The following MAP4K3 variants were observed in gnomAD, a reference collection of about 807,000 sequenced individuals.
MAP4K3 encodes mitogen-activated protein kinase kinase kinase kinase 3.
In MAP4K3, 94 loss-of-function variants were observed where a neutral mutation model predicts 143.5. The ratio of observed to expected loss-of-function variants is 0.65; its 90% CI spans 0.55 to 0.78. The LOEUF is 0.78. MAP4K3 is among the 30% of genes least tolerant of loss of function. The pLI is 0.00. For missense variants in MAP4K3, 1,077 were observed against 1,068.1 expected, an observed-to-expected ratio of 1.01 and a Z score of -0.12; for synonymous variants, 416 against 347.2, an observed-to-expected ratio of 1.20 and a Z score of -2.20.
At chr2:39,279,689 T>C (rs1681429892) in intron 23 of MAP4K3, among the ~76,000 whole-genome samples, 1 of 152,056 alleles carries the variant, frequency 6.6e-6, no homozygotes, top group Non-Finnish European at 1.5e-5. Context: ...GTGGCTCCTG[T>C]CTGTAATCTC....
chr2:39,312,688 A>G lies in MAP4K3; in HGVS notation c.997+2622T>C, dbSNP rs114822116. ...GGCCCTTAGATCTGATAAGTAGGTT[A>G]AGAATGAGTCCATCCTAACTGTTCA... On this transcript the variant is annotated intron_variant, in intron 13 of 33. Transcript: ENST00000263881. Among the ~76,000 whole-genome samples the G allele has an allele frequency of 6.4e-3, 972 of 152,342 alleles. 12 individuals are homozygous for G. The highest frequency in any genetic ancestry group is 0.022 in the African/African-American group (924 of 41,566).
At chr2:39,291,692 C>T (rs1461005173) in intron 18 of MAP4K3, among the ~76,000 whole-genome samples, 1 of 151,894 alleles carries the variant, frequency 6.6e-6, no homozygotes, top group Non-Finnish European at 1.5e-5. Flanking sequence ...TCGAGCCCAG[C>T]CTGGACAACA....
intron 2 of MAP4K3, 128 bp downstream of exon 2, chr2:39,377,938 A>G: frequency 1.5e-6 from 1 of 653,812 alleles, no homozygotes; most frequent in Non-Finnish European, 2.7e-6. Flanking sequence ...GAAAGGGCAT[A>G]CAAGCAGCTC....
At chr2:39,288,344 T>A in intron 19 of MAP4K3, 64 bp from the exon 20 acceptor site, 1 of 1,411,478 alleles carries the variant, frequency 7.1e-7, no homozygotes, top group South Asian at 1.2e-5. Flanking sequence ...AAGTAAGTAC[T>A]ATTATACATT....
chr2:39,360,878 G>A (rs1242909905), intron 2 of MAP4K3, among the ~76,000 whole-genome samples: 2 of 152,034 alleles, frequency 1.3e-5, no homozygotes, highest in Non-Finnish European at 2.9e-5. Flanking sequence ...TAACATGTGG[G>A]GATTATGGGA....
chr2:39,345,071 AT>A (rs1439290512), intron 3 of MAP4K3, among the ~76,000 whole-genome samples: 4 of 152,178 alleles, frequency 2.6e-5, no homozygotes, highest in African/African-American at 9.7e-5. Context: ...TGAACAATAC[AT>A]TAAAAAGTGG....
intron 4 of MAP4K3, among the ~76,000 whole-genome samples, chr2:39,337,831 C>A (rs968814380): frequency 3.0e-5 from 4 of 135,184 alleles, no homozygotes; most frequent in Non-Finnish European, 4.6e-5. Context: ...GCAATCACAG[C>A]TCACTGCAGC....
intron 1 of MAP4K3, among the ~76,000 whole-genome samples, chr2:39,399,127 T>G (rs1236893286): frequency 6.6e-6 from 1 of 151,650 alleles, no homozygotes; most frequent in Non-Finnish European, 1.5e-5. Context: ...CACACGAAAT[T>G]CCCAATCTAT....
At chr2:39,416,006 A>ATATATATATATAAAAAT (rs1420812309) in intron 1 of MAP4K3, among the ~76,000 whole-genome samples, 1 of 75,884 alleles carries the variant, frequency 1.3e-5, no homozygotes, top group African/African-American at 7.2e-5. Context: ...TATATATATA[A>ATATATATATATAAAAAT]AAATAACATT....
At chr2:39,253,366 T>C (rs1234073022) in intron 32 of MAP4K3, among the ~76,000 whole-genome samples, 1 of 152,152 alleles carries the variant, frequency 6.6e-6, no homozygotes, top group Middle Eastern at 3.2e-3. Context: ...TCTCTTGACC[T>C]TGTGATCCGC....
intron 12 of MAP4K3, among the ~76,000 whole-genome samples, chr2:39,318,344 C>T (rs181651586): frequency 6.6e-6 from 1 of 152,068 alleles, no homozygotes; most frequent in African/African-American, 2.4e-5. Context: ...CGTGACATAC[C>T]ATTTATCTAC....
intron 1 of MAP4K3, among the ~76,000 whole-genome samples, chr2:39,428,557 TC>T (rs1220738139): frequency 6.6e-6 from 1 of 151,720 alleles, no homozygotes; most frequent in African/African-American, 2.4e-5. Flanking sequence ...GTGCCTGTAA[TC>T]CCAGCTACTC....
chr2:39,267,324 T>A, intron 26 of MAP4K3, 77 bp from the exon 27 acceptor site: 1 of 1,142,770 alleles, frequency 8.8e-7, no homozygotes, highest in African/African-American at 1.5e-5. Flanking sequence ...TATAGATCAG[T>A]GCACAAAGGA....
intron 1 of MAP4K3, among the ~76,000 whole-genome samples, chr2:39,393,627 A>AT (rs1430671986): frequency 1.3e-5 from 2 of 152,144 alleles, no homozygotes; most frequent in African/African-American, 4.8e-5. Context: ...AACAAACTTC[A>AT]TTTTTTAAGA....
intron 31 of MAP4K3, 152 bp from the exon 32 acceptor site, chr2:39,254,672 T>A (rs543010382): frequency 1.7e-6 from 1 of 574,548 alleles, no homozygotes; most frequent in African/African-American, 1.9e-5. Flanking sequence ...TTTGAAAAGT[T>A]TAAAAATATA....
At chr2:39,282,585 T>C in intron 21 of MAP4K3, 31 bp from the exon 22 acceptor site, 2 of 1,517,994 alleles carry the variant, frequency 1.3e-6, no homozygotes, top group Admixed American at 3.4e-5. Flanking sequence ...TGATTACACT[T>C]TTTTTGCTGC....
chr2:39,292,875 CAGTA>C, intron 17 of MAP4K3, 49 bp from the exon 18 acceptor site: 1 of 1,488,592 alleles, frequency 6.7e-7, no homozygotes, highest in Non-Finnish European at 9.3e-7. Context: ...TTTACCAAAA[CAGTA>C]AGAAGAAATT....
chr2:39,395,240 G>C (rs78653879), intron 1 of MAP4K3, among the ~76,000 whole-genome samples: 5,147 of 152,026 alleles, frequency 0.034, 127 homozygotes, highest in South Asian at 0.052. Context: ...AATTACCAAA[G>C]AAATTTAGCA....
At chr2:39,322,938 G>T (rs1054903387) in intron 12 of MAP4K3, among the ~76,000 whole-genome samples, 2 of 152,114 alleles carry the variant, frequency 1.3e-5, no homozygotes, top group Non-Finnish European at 2.9e-5. Context: ...CCAGAGTGCT[G>T]GGATTACAGG....
Sources: allele counts gnomAD v4.1 joint callset (sites outside exome capture counted in the v4.1 genomes callset), GRCh38; gene constraint gnomAD v4.1.1; transcripts MANE v1.5; gene names NCBI Gene and HGNC (gene_info 2026-07-23, HGNC 2026-07-21).